AVL9: variants seen among roughly 807,000 people sequenced by gnomAD.
The protein encoded by AVL9 is AVL9 cell migration associated.
A neutral mutation model predicts 79.2 loss-of-function variants in AVL9; 49 were observed. The ratio of observed to expected loss-of-function variants is 0.62; its 90% confidence interval spans 0.49 to 0.79. The LOEUF (loss-of-function observed/expected upper bound fraction) is 0.79. Ranked by LOEUF, AVL9 falls within the 30% of genes least tolerant of loss-of-function variation. The pLI, the probability that AVL9 is intolerant of heterozygous loss-of-function variation, is 0.00. For synonymous variants in AVL9, 299 were observed against 280.6 expected (o/e 1.07, Z -0.65); for missense variants, 682 against 776.8 (o/e 0.88, Z 1.45).
At chr7:32,581,275 CAGTTGGTT>C (rs1241493066) in intron 15 of AVL9, 1 of 157,228 alleles carries the variant, frequency 6.4e-6, no homozygotes, top group Non-Finnish European at 1.4e-5. Flanking sequence ...ATGAAGCCAA[CAGTTGGTT>C]TTTCAAAAAG....
chr7:32,520,506 T>C (rs1176420405), intron 1 of AVL9, among the ~76,000 whole-genome samples: 1 of 152,180 alleles, frequency 6.6e-6, no homozygotes, highest in Non-Finnish European at 1.5e-5. Context: ...TAAATGCCAC[T>C]GTAAGGTCTG....
At chr7:32,558,475 G>A (rs12673921) in intron 8 of AVL9, 84 bp from the exon 9 acceptor site, 705,167 of 1,080,366 alleles carry the variant, frequency 0.65, 232,138 homozygotes, top group Admixed American at 0.75. Context: ...TCTTATATAA[G>A]GAATTTTTCC....
chr7:32,566,674 C>T (rs564781666), intron 10 of AVL9, among the ~76,000 whole-genome samples: 2,796 of 151,738 alleles, frequency 0.018, 84 homozygotes, highest in African/African-American at 0.063. Context: ...GTCAGGAGAT[C>T]GAGACCATCC....
At position 32,554,600 on chromosome 7, in the gene AVL9, C is replaced by G; in HGVS notation, c.609+4C>G. On this transcript the variant is annotated splice_donor_region_variant and intron_variant, in intron 8 of 15. Coordinates refer to ENST00000318709, the MANE Select transcript of AVL9 (RefSeq NM_015060.3). ...GCTAATTCTTCTTGAAAAAAAGGTA[C>G]GATCCTAAGGGATGAAAGGAAAGAT... 6.7e-7 allele frequency: 1 copy of G among 1,502,124 alleles called. No individual in the cohort carries two copies. The highest frequency in any genetic ancestry group is 1.3e-5 in the South Asian group (1 of 78,798). 93.0% of individuals were successfully genotyped at this position (1,502,124 alleles called of 1,614,324 possible). A position where few individuals can be genotyped will look rare whatever the true frequency, so the allele number is the denominator to read the frequency against.
At chr7:32,563,178 C>T (rs1790404561) in intron 10 of AVL9, among the ~76,000 whole-genome samples, 1 of 151,972 alleles carries the variant, frequency 6.6e-6, no homozygotes, top group East Asian at 1.9e-4. Context: ...ACTACAGGTG[C>T]CCATCACTCT....
intron 8 of AVL9, among the ~76,000 whole-genome samples, chr7:32,556,752 C>A (rs1790082309): frequency 6.6e-6 from 1 of 152,022 alleles, no homozygotes; most frequent in African/African-American, 2.4e-5. Context: ...ACTATCCAGC[C>A]ACAGAACACT....
At chr7:32,579,537 T>A (rs1302592992) in intron 13 of AVL9, among the ~76,000 whole-genome samples, 49 of 3,606 alleles carry the variant, frequency 0.014, 16 homozygotes, top group African/African-American at 0.056. Flanking sequence ...TATATTATAT[T>A]ATATATTATA....
chr7:32,522,975 A>G (rs570883349), intron 1 of AVL9, among the ~76,000 whole-genome samples: 4 of 152,194 alleles, frequency 2.6e-5, no homozygotes, highest in East Asian at 1.9e-4. Context: ...GCCTCCCGCC[A>G]TAATTCTGAG....
chr7:32,577,476 A>G (rs1291818104), intron 13 of AVL9, among the ~76,000 whole-genome samples: 4 of 152,208 alleles, frequency 2.6e-5, no homozygotes, highest in Non-Finnish European at 5.9e-5. Context: ...CTGACAACAA[A>G]GTCTCTATTC....
In AVL9 at chr7:32,569,046, T is replaced by TA. The variant is rs1554345742; in HGVS notation, c.1216-973dup. Among the ~76,000 whole-genome samples, 3 of 152,286 alleles carry TA rather than the reference T, an allele frequency of 2.0e-5. No homozygotes were observed. The South Asian group carries it at 6.2e-4, about 32-fold the overall frequency. ...GTTAGTTACACACAAAGCGCTCTCC[T>TA]AGTTGGAATAAAGAATATCAAGTTG... On this transcript the variant is annotated intron_variant, in intron 10 of 15. Transcript: ENST00000318709.
chr7:32,543,045 C>G, intron 1 of AVL9, 96 bp from the exon 2 acceptor site: 1 of 1,501,364 alleles, frequency 6.7e-7, no homozygotes. Context: ...CTTATCCCGA[C>G]TTCTGTCATT....
chr7:32,558,324 A>C (rs549563432), intron 8 of AVL9, among the ~76,000 whole-genome samples: 29 of 150,964 alleles, frequency 1.9e-4, no homozygotes, highest in African/African-American at 7.1e-4. Context: ...TGCCCGGCTA[A>C]GTTTTTGTAT....
intron 1 of AVL9, among the ~76,000 whole-genome samples, chr7:32,500,924 G>T (rs1285226822): frequency 6.6e-6 from 1 of 152,124 alleles, no homozygotes; most frequent in East Asian, 1.9e-4. Context: ...GTAGATGTGT[G>T]GTGTTATTTG....
chr7:32,507,354 A>G (rs138121444), intron 1 of AVL9, among the ~76,000 whole-genome samples: 1,722 of 152,330 alleles, frequency 0.011, 35 homozygotes, highest in African/African-American at 0.038. Context: ...ATTACCTCAC[A>G]AGTCTAGAAA....
In AVL9 at chr7:32,586,625, G is replaced by A. The variant is rs557904071; in HGVS notation, c.*2718G>A. Reference sequence around the variant, plus strand: ...CTGGTGAAGGTGTGTGTGTGTTGGTGGCCACACTTGCTAAGGCTTTTGTGT... The same window carrying A: ...CTGGTGAAGGTGTGTGTGTGTTGGTAGCCACACTTGCTAAGGCTTTTGTGT... On this transcript the variant is annotated 3_prime_UTR_variant, in exon 16 of 16. Transcript: ENST00000318709. 6.6e-6 allele frequency: 1 copy of A among 152,162 alleles called. No homozygotes were observed. The highest frequency in any genetic ancestry group is 2.1e-4 in the South Asian group (1 of 4,820). The allele number at this position is 152,162 out of a possible 1,614,324, so 9.4% of individuals were successfully genotyped here.
rs557904132 is a variant in AVL9, at chr7:32,579,287, T to C, written c.1689-932T>C. 2.2e-3 allele frequency among the ~76,000 whole-genome samples: 219 copies of C among 101,782 alleles called. 3 individuals carry two copies. Among genetic ancestry groups the C allele is most frequent in the African/African-American group, 8.5e-3 (203 of 23,896 alleles). 66.8% of individuals were successfully genotyped at this position (101,782 alleles called of 152,430 possible). ...TGCAGAATGCCTGATTTTATATATA[T>C]ATATGTATTATATATATTATATATT... On this transcript the variant is annotated intron_variant, in intron 13 of 15. Coordinates refer to ENST00000318709, the MANE Select transcript of AVL9 (RefSeq NM_015060.3).
At chr7:32,526,552 C>T (rs1271172141) in intron 1 of AVL9, among the ~76,000 whole-genome samples, 1 of 152,148 alleles carries the variant, frequency 6.6e-6, no homozygotes, top group Non-Finnish European at 1.5e-5. Flanking sequence ...AACACTTACC[C>T]TTTTGTCAGC....
intron 7 of AVL9, among the ~76,000 whole-genome samples, chr7:32,554,329 G>A (rs1338609261): frequency 1.3e-5 from 2 of 152,070 alleles, no homozygotes; most frequent in Non-Finnish European, 2.9e-5. Flanking sequence ...AGCAAAAATG[G>A]TACCACCCCT....
chr7:32,564,002 T>TAA (rs1484232594), intron 10 of AVL9, among the ~76,000 whole-genome samples: 4 of 152,186 alleles, frequency 2.6e-5, no homozygotes, highest in African/African-American at 9.7e-5. Flanking sequence ...AGCTGTGTTA[T>TAA]GACTTCCTAT....
Sources: allele counts gnomAD v4.1 joint callset (sites outside exome capture counted in the v4.1 genomes callset), GRCh38; gene constraint gnomAD v4.1.1; transcripts MANE v1.5; gene names NCBI Gene and HGNC (gene_info 2026-07-23, HGNC 2026-07-21).